Variants in ACSL1 observed in about 807,000 individuals in gnomAD.
The protein encoded by ACSL1 is long-chain-fatty-acid--CoA ligase 1.
ACSL1 carries 41 observed loss-of-function variants against 98.4 expected under a neutral mutation model. That is an observed-to-expected ratio of 0.42 (90% CI 0.32 to 0.54). ACSL1 has a LOEUF of 0.54. Among genes scored for constraint, ACSL1 ranks in the 20% least tolerant of loss-of-function variants. The probability of loss-of-function intolerance (pLI) is 0.13; values close to 1 mark genes in which losing one functional copy is unlikely to be tolerated. For missense variants in ACSL1, 734 were observed against 883.1 expected (o/e 0.83, Z 2.14); for synonymous variants, 316 against 322.7 (o/e 0.98, Z 0.22).
chr4:184,815,076 G>C (rs561904499), intron 1 of ACSL1: 79 of 456,266 alleles, frequency 1.7e-4, no homozygotes, highest in African/African-American at 1.2e-3. Flanking sequence ...AGCTACAGAA[G>C]ACAGATCTGA....
Position 184,758,022 on chromosome 4 carries a change from A to G in ACSL1, c.1783-102T>C, listed in dbSNP as rs79590064. The G allele has an allele frequency of 4.4e-4, 509 of 1,149,800 alleles. 4 individuals are homozygous for G. In the East Asian group the frequency reaches 7.9e-3, roughly 18 times the overall value. The allele number at this position is 1,149,800 out of a possible 1,614,324, so 71.2% of individuals were successfully genotyped here. On this transcript the variant is annotated intron_variant, in intron 18 of 20. Transcript: ENST00000281455. ...TGTGGCCCCCTGGGAGAATATGATG[A>G]AAGTTATGGCTCATCTATTCAGAAC...
At chr4:184,811,280 T>C (rs978701236) in intron 1 of ACSL1, among the ~76,000 whole-genome samples, 6 of 151,490 alleles carry the variant, frequency 4.0e-5, no homozygotes, top group Non-Finnish European at 5.9e-5. Context: ...GGCTAATTTT[T>C]TTTTTGTATT....
intron 1 of ACSL1, among the ~76,000 whole-genome samples, chr4:184,822,426 G>A (rs543678027): frequency 1.3e-5 from 2 of 152,244 alleles, no homozygotes; most frequent in African/African-American, 4.8e-5. Context: ...ATACTGTGTT[G>A]TTTCTAACAC....
chr4:184,801,459 C>T (rs1342527695), intron 2 of ACSL1, among the ~76,000 whole-genome samples: 1 of 152,168 alleles, frequency 6.6e-6, no homozygotes, highest in African/African-American at 2.4e-5. Flanking sequence ...ACCAGCCCCC[C>T]GCAGCAGTGC....
At chr4:184,818,309 C>G (rs551622188) in intron 1 of ACSL1, among the ~76,000 whole-genome samples, 1 of 152,264 alleles carries the variant, frequency 6.6e-6, no homozygotes, top group South Asian at 2.1e-4. Flanking sequence ...AGCTGGAGCT[C>G]AACACTAATC....
chr4:184,783,803 C>T (rs187886502), intron 4 of ACSL1, 124 bp downstream of exon 4: 17 of 884,000 alleles, frequency 1.9e-5, no homozygotes, highest in Admixed American at 9.0e-5. Context: ...CCCATGCTTA[C>T]GGCAAGGCTC....
chr4:184,799,081 G>A, intron 2 of ACSL1: 1 of 150,514 alleles, frequency 6.6e-6, no homozygotes, highest in Non-Finnish European at 1.5e-5. Context: ...ACAGTCCTGT[G>A]CCCCCTTCAT....
intron 1 of ACSL1, among the ~76,000 whole-genome samples, chr4:184,822,027 T>C (rs1388521698): frequency 6.6e-6 from 1 of 152,244 alleles, no homozygotes; most frequent in Non-Finnish European, 1.5e-5. Flanking sequence ...AGCTTTTCTG[T>C]GGCAAGTGGT....
chr4:184,822,611 C>T (rs1270830165), intron 1 of ACSL1, among the ~76,000 whole-genome samples: 4 of 152,000 alleles, frequency 2.6e-5, no homozygotes, highest in East Asian at 3.9e-4. Flanking sequence ...TAGTGATGTG[C>T]GCCTGTAGTC....
At chr4:184,809,855 T>C (rs1771870254) in intron 1 of ACSL1, among the ~76,000 whole-genome samples, 1 of 152,214 alleles carries the variant, frequency 6.6e-6, no homozygotes, top group Non-Finnish European at 1.5e-5. Context: ...TTATTTGAGT[T>C]CTTTGAATAT....
chr4:184,780,963 G>C (rs930145588), intron 4 of ACSL1, among the ~76,000 whole-genome samples: 1 of 152,058 alleles, frequency 6.6e-6, no homozygotes, highest in Non-Finnish European at 1.5e-5. Context: ...TACAGGCCAG[G>C]CACGGTGGTT....
chr4:184,821,058 G>C, intron 1 of ACSL1: 1 of 456,282 alleles, frequency 2.2e-6, no homozygotes, highest in Non-Finnish European at 4.4e-6. Flanking sequence ...GATAGCAGCA[G>C]GACCTACCTT....
At chr4:184,782,100 A>AG (rs1455161584) in intron 4 of ACSL1, among the ~76,000 whole-genome samples, 2 of 152,176 alleles carry the variant, frequency 1.3e-5, no homozygotes, top group Non-Finnish European at 2.9e-5. Flanking sequence ...AGGATGACAC[A>AG]AACAGGCTCA....
At chr4:184,790,015 C>T (rs1425549052) in intron 2 of ACSL1, among the ~76,000 whole-genome samples, 1 of 151,806 alleles carries the variant, frequency 6.6e-6, no homozygotes, top group East Asian at 1.9e-4. Context: ...TGGAAGAGAT[C>T]GTTTCTGGCT....
intron 1 of ACSL1, among the ~76,000 whole-genome samples, chr4:184,809,750 C>T (rs776626852): frequency 1.2e-4 from 19 of 152,142 alleles, no homozygotes; most frequent in Non-Finnish European, 2.2e-4. Flanking sequence ...AAGCTGAGAT[C>T]GCGCCACTGC....
In ACSL1 at chr4:184,766,700, C is replaced by G; in HGVS notation, c.1185G>C (p.Lys395Asn). ...LKRWLLDFAS[K>N]RKEAELRSGI... is the part of the protein sequence containing the mutation. ...CGCTGCGAAGCTCTGCTTCTTTCCT[C>G]TTGGAGGCAAAGTCCAAGAGCCATC... Residue 395 changes from lysine to asparagine, a missense_variant, in exon 13 of 21, where the codon AAG becomes AAC. Transcript: ENST00000281455. This position sits in a 1 kb window ranked among gnomAD's most constrained non-coding sequence, Gnocchi z 4.8. 1 of 1,614,190 alleles carries G rather than the reference C, an allele frequency of 6.2e-7. No homozygotes were observed. Among genetic ancestry groups the G allele is most frequent in the Non-Finnish European group, 8.5e-7 (1 of 1,180,030 alleles).
At chr4:184,806,431 C>T (rs1386596898) in intron 1 of ACSL1, among the ~76,000 whole-genome samples, 3 of 152,160 alleles carry the variant, frequency 2.0e-5, no homozygotes, top group Admixed American at 1.3e-4. Context: ...GTACTCACCC[C>T]GACACACACT....
rs1361262751 is a variant in ACSL1, at chr4:184,760,388, G to A, written c.1751C>T (p.Ala584Val). The stretch of plus-strand genomic sequence containing the variant: ...GCTTTCTCCGTGGACAAACACCTGA[G>A]CAACAGGCTCACTTCGCATGTAGAT... ...ENIYMRSEPV[A>V]QVFVHGESLQ... Residue 584 changes from alanine to valine, a missense_variant, in exon 18 of 21, where the codon GCT (alanine) becomes GTT (valine). Physicochemically the swap from Ala to Val is moderately conservative, Grantham distance 64. Coordinates refer to ENST00000281455, the MANE Select transcript of ACSL1 (RefSeq NM_001995.5). 6.2e-7 allele frequency: 1 copy of A among 1,614,054 alleles called. No homozygotes were observed. Among genetic ancestry groups the A allele is most frequent in the Non-Finnish European group, 8.5e-7 (1 of 1,180,022 alleles).
chr4:184,775,702 C>A lies in ACSL1; in HGVS notation c.756+782G>T, dbSNP rs74717174. On this transcript the variant is annotated intron_variant, in intron 7 of 20. Transcript: ENST00000281455. ...AGATCCTTACTTATAGCCTCAAATTCTTTGTAGGAGGAGGAAAACTACACA... is the reference window on the plus strand; with the variant it reads ...AGATCCTTACTTATAGCCTCAAATTATTTGTAGGAGGAGGAAAACTACACA... Among the ~76,000 whole-genome samples the A allele has an allele frequency of 3.8e-4, 58 of 152,286 alleles. No individual in the cohort carries two copies. The East Asian group carries it at 8.5e-3, about 22-fold the overall frequency.
Sources: allele counts gnomAD v4.1 joint callset (sites outside exome capture counted in the v4.1 genomes callset), GRCh38; gene constraint gnomAD v4.1.1; non-coding constraint Gnocchi (gnomAD v3.1); transcripts MANE v1.5; gene names NCBI Gene and HGNC (gene_info 2026-07-23, HGNC 2026-07-21).